Variants in IQCM observed in about 807,000 individuals in gnomAD.
The protein encoded by IQCM is IQ domain-containing protein M.
A neutral mutation model predicts 57.6 loss-of-function variants in IQCM; 45 were observed. That is an observed-to-expected ratio of 0.78 (90% CI 0.62 to 1.00). IQCM has a LOEUF of 1.00. Among genes scored for constraint, IQCM ranks in the 50% least tolerant of loss-of-function variants. The pLI is 0.00. For missense variants in IQCM, 468 were observed against 511.6 expected, an observed-to-expected ratio of 0.91 and a Z score of 0.82; for synonymous variants, 148 against 158.9, an observed-to-expected ratio of 0.93 and a Z score of 0.51.
At chr4:149,617,329 T>C (rs1755884617) in intron 8 of IQCM, among the ~76,000 whole-genome samples, 1 of 152,224 alleles carries the variant, frequency 6.6e-6, no homozygotes, top group Non-Finnish European at 1.5e-5. Flanking sequence ...GTTATAGGTG[T>C]TGGTATTTTA....
intron 7 of IQCM, among the ~76,000 whole-genome samples, chr4:149,681,338 CAAAATTGT>C (rs1311833825): frequency 1.3e-5 from 2 of 151,194 alleles, no homozygotes; most frequent in Non-Finnish European, 3.0e-5. Context: ...ATGTAACAAT[CAAAATTGT>C]AAAATACATC....
Position 149,352,031 on chromosome 4 carries a change from G to T in IQCM, c.1426C>A (p.Arg476=). ...CGGGCCACCAACTTTCCAACAACCC[G>T]GATGTTAGCTCGTTTGAGTGCTGGA... is the stretch of plus-strand genomic sequence containing the variant. ...GHPALKRANI[R]VVGKLVARSI... Residue 476 remains arginine (R), a synonymous_variant, in exon 14 of 14, where the codon CGG becomes AGG. Transcript: ENST00000636793. 1 of 398,800 alleles carries T rather than the reference G, an allele frequency of 2.5e-6. No individual in the cohort carries two copies. Among genetic ancestry groups the T allele is most frequent in the Non-Finnish European group, 4.4e-6 (1 of 225,982 alleles). 24.7% of individuals were successfully genotyped at this position (398,800 alleles called of 1,614,324 possible).
chr4:149,755,528 T>C (rs912774201), intron 2 of IQCM, among the ~76,000 whole-genome samples: 1 of 152,134 alleles, frequency 6.6e-6, no homozygotes, highest in Non-Finnish European at 1.5e-5. Context: ...GTACCAACCC[T>C]TCACTTCTCC....
chr4:149,597,577 G>C (rs2150025177), intron 8 of IQCM, among the ~76,000 whole-genome samples: 2 of 152,186 alleles, frequency 1.3e-5, no homozygotes, highest in Middle Eastern at 6.8e-3. Flanking sequence ...TTTTAGTAGA[G>C]ATGGGGTTTT....
At chr4:149,756,343 T>C (rs1460645121) in intron 2 of IQCM, among the ~76,000 whole-genome samples, 1 of 152,088 alleles carries the variant, frequency 6.6e-6, no homozygotes, top group Non-Finnish European at 1.5e-5. Flanking sequence ...TTGACAGCAA[T>C]GATAATTAAC....
chr4:149,536,316 T>A (rs1747290545), intron 12 of IQCM, among the ~76,000 whole-genome samples: 1 of 151,976 alleles, frequency 6.6e-6, no homozygotes, highest in African/African-American at 2.4e-5. Flanking sequence ...CAGACGTATT[T>A]TAGTCAGCAG....
At chr4:149,353,084 G>T (rs890400923) in intron 13 of IQCM, among the ~76,000 whole-genome samples, 1 of 152,028 alleles carries the variant, frequency 6.6e-6, no homozygotes, top group African/African-American at 2.4e-5. Flanking sequence ...AAAGAGCAAG[G>T]CCTTATAACA....
chr4:149,471,128 C>T (rs888043515), intron 12 of IQCM, among the ~76,000 whole-genome samples: 2 of 152,100 alleles, frequency 1.3e-5, no homozygotes, highest in African/African-American at 4.8e-5. Flanking sequence ...CAGAGCAGAA[C>T]TGAAGGAGAT....
At chr4:149,704,286 C>A (rs1763989836) in intron 5 of IQCM, among the ~76,000 whole-genome samples, 1 of 151,830 alleles carries the variant, frequency 6.6e-6, no homozygotes, top group South Asian at 2.1e-4. Context: ...TCTTGCTCAA[C>A]CCCTGGAATA....
intron 13 of IQCM, among the ~76,000 whole-genome samples, chr4:149,417,308 A>G (rs1733811950): frequency 6.6e-6 from 1 of 152,082 alleles, no homozygotes; most frequent in Non-Finnish European, 1.5e-5. Flanking sequence ...AATTCTCCCT[A>G]AAGCTTGGAG....
intron 5 of IQCM, among the ~76,000 whole-genome samples, chr4:149,688,853 AG>A (rs1762740745): frequency 6.6e-6 from 1 of 152,120 alleles, no homozygotes; most frequent in Non-Finnish European, 1.5e-5. Flanking sequence ...AAGTGGGGAA[AG>A]GACACCCTTT....
intron 7 of IQCM, among the ~76,000 whole-genome samples, chr4:149,645,018 G>A (rs1015296307): frequency 5.3e-5 from 8 of 152,074 alleles, no homozygotes; most frequent in African/African-American, 1.7e-4. Context: ...TCCTAGATTT[G>A]CTTTGCATAT....
chr4:149,748,191 C>T (rs1046266591), intron 2 of IQCM, among the ~76,000 whole-genome samples: 2 of 152,172 alleles, frequency 1.3e-5, no homozygotes, highest in African/African-American at 4.8e-5. Flanking sequence ...CCATCACTCC[C>T]GACTACCTCC....
chr4:149,452,445 G>C (rs992945547), intron 12 of IQCM, among the ~76,000 whole-genome samples: 1 of 151,032 alleles, frequency 6.6e-6, no homozygotes, highest in Non-Finnish European at 1.5e-5. Flanking sequence ...TTATTGCAGA[G>C]CTGCAGTAAT....
At chr4:149,467,553 T>A (rs866810865) in intron 12 of IQCM, among the ~76,000 whole-genome samples, 1 of 152,190 alleles carries the variant, frequency 6.6e-6, no homozygotes, top group East Asian at 1.9e-4. Flanking sequence ...ACATACTTAA[T>A]AAAAAGTTTA....
intron 9 of IQCM, among the ~76,000 whole-genome samples, chr4:149,579,968 C>T (rs1208351505): frequency 1.3e-5 from 2 of 151,790 alleles, no homozygotes; most frequent in Non-Finnish European, 2.9e-5. Flanking sequence ...AAGTACTGGA[C>T]ACAGTTAAGT....
At chr4:149,602,035 CAAA>C (rs1236897737) in intron 8 of IQCM, among the ~76,000 whole-genome samples, 1,589 of 35,348 alleles carry the variant, frequency 0.045, 5 homozygotes, top group African/African-American at 0.12. Flanking sequence ...GCCTGGGCGA[CAAA>C]AAAAAAAAAA....
At chr4:149,357,370 T>C (rs757199324) in intron 13 of IQCM, among the ~76,000 whole-genome samples, 2 of 152,202 alleles carry the variant, frequency 1.3e-5, no homozygotes, top group African/African-American at 2.4e-5. Context: ...AGTATGATAT[T>C]GGCTGTGGGT....
At chr4:149,425,082 A>T (rs1465766689) in intron 13 of IQCM, among the ~76,000 whole-genome samples, 1 of 152,008 alleles carries the variant, frequency 6.6e-6, no homozygotes, top group Non-Finnish European at 1.5e-5. Flanking sequence ...CTCTCTCTGT[A>T]AAATGAGCTT....
Sources: gnomAD v4.1 joint callset for allele counts (sites outside exome capture counted in the v4.1 genomes callset) on GRCh38, gnomAD v4.1.1 for gene constraint, MANE v1.5 for transcripts, NCBI Gene and HGNC (gene_info 2026-07-23, HGNC 2026-07-21) for gene names.